Variants in LRP1B observed in about 807,000 individuals in gnomAD.
LRP1B encodes the protein LDL receptor related protein 1B.
In LRP1B, 217 loss-of-function variants were observed where a neutral mutation model predicts 556.6. The observed-to-expected ratio is 0.39, with a 90% CI of 0.35 to 0.44. The LOEUF is 0.44. LRP1B is among the 20% of genes least tolerant of loss of function. The probability of loss-of-function intolerance (pLI) is 1.00; values close to 1 mark genes in which losing one functional copy is unlikely to be tolerated. For missense variants in LRP1B, 5,053 were observed against 5,620.8 expected, an observed-to-expected ratio of 0.90 and a Z score of 3.23; for synonymous variants, 2,047 against 1,865.8, an observed-to-expected ratio of 1.10 and a Z score of -2.50.
intron 29 of LRP1B, among the ~76,000 whole-genome samples, chr2:140,847,054 C>G (rs1692294127): frequency 6.6e-6 from 1 of 152,140 alleles, no homozygotes. Context: ...TTGTTAAGTT[C>G]CTTTATGTTC....
At chr2:142,075,394 A>G (rs1194938469) in intron 1 of LRP1B, among the ~76,000 whole-genome samples, 1 of 152,228 alleles carries the variant, frequency 6.6e-6, no homozygotes, top group Admixed American at 6.6e-5. Flanking sequence ...CAAGAGTATT[A>G]CTTATAAATA....
At chr2:141,965,818 A>AT (rs1701547688) in intron 1 of LRP1B, among the ~76,000 whole-genome samples, 1 of 148,984 alleles carries the variant, frequency 6.7e-6, no homozygotes, top group East Asian at 2.0e-4. Context: ...AAAAAAGAAA[A>AT]TTGTTTTTTT....
At chr2:141,301,513 A>T (rs1277923182) in intron 3 of LRP1B, among the ~76,000 whole-genome samples, 3 of 152,202 alleles carry the variant, frequency 2.0e-5, no homozygotes, top group Non-Finnish European at 4.4e-5. Context: ...ATTCTATTCC[A>T]TAGTAAATAG....
At chr2:142,122,878 G>T (rs1707506657) in intron 1 of LRP1B, among the ~76,000 whole-genome samples, 1 of 151,974 alleles carries the variant, frequency 6.6e-6, no homozygotes. Context: ...ACCATTAAAA[G>T]CTTTGGAAAT....
chr2:141,554,882 C>T (rs1685904990), intron 2 of LRP1B, among the ~76,000 whole-genome samples: 1 of 151,956 alleles, frequency 6.6e-6, no homozygotes, highest in Non-Finnish European at 1.5e-5. Flanking sequence ...TCCCAAATTA[C>T]TGAATCAGAA....
intron 23 of LRP1B, among the ~76,000 whole-genome samples, chr2:140,887,018 T>G (rs892259529): frequency 6.6e-5 from 10 of 152,192 alleles, no homozygotes; most frequent in Non-Finnish European, 1.2e-4. Context: ...TATCTGAAAG[T>G]TACTAAAATT....
At chr2:140,253,113 T>C (rs1365968016) in intron 86 of LRP1B, among the ~76,000 whole-genome samples, 2 of 152,050 alleles carry the variant, frequency 1.3e-5, no homozygotes, top group Non-Finnish European at 2.9e-5. Flanking sequence ...CTTAAATTTA[T>C]GTCTGTTGTA....
At chr2:141,874,357 C>T (rs1408761177) in intron 1 of LRP1B, among the ~76,000 whole-genome samples, 18 of 150,252 alleles carry the variant, frequency 1.2e-4, no homozygotes, top group Non-Finnish European at 1.5e-5. Context: ...GCACATAGTG[C>T]TTTCAAAATA....
intron 7 of LRP1B, among the ~76,000 whole-genome samples, chr2:141,109,459 A>G (rs1700694678): frequency 6.6e-6 from 1 of 152,200 alleles, no homozygotes; most frequent in Admixed American, 6.5e-5. Context: ...TTGTTATACC[A>G]GGAGACAAAA....
At chr2:141,996,210 C>CAA (rs66563468) in intron 1 of LRP1B, among the ~76,000 whole-genome samples, 1 of 35,984 alleles carries the variant, frequency 2.8e-5, no homozygotes, top group African/African-American at 1.3e-4. Flanking sequence ...GAGCGAGACT[C>CAA]AAAAAAAAAA....
intron 66 of LRP1B, among the ~76,000 whole-genome samples, chr2:140,403,121 A>G (rs1473995215): frequency 1.3e-5 from 2 of 152,212 alleles, no homozygotes; most frequent in Non-Finnish European, 2.9e-5. Context: ...GAGAAAAGAA[A>G]GAAAAAAAAT....
intron 7 of LRP1B, among the ~76,000 whole-genome samples, chr2:141,125,618 G>C (rs1041160811): frequency 6.6e-6 from 1 of 151,984 alleles, no homozygotes; most frequent in Non-Finnish European, 1.5e-5. Flanking sequence ...CACTATCTTT[G>C]CTGATATGCT....
intron 41 of LRP1B, among the ~76,000 whole-genome samples, chr2:140,613,597 G>A (rs1247382274): frequency 2.6e-5 from 4 of 151,114 alleles, no homozygotes; most frequent in Non-Finnish European, 5.9e-5. Context: ...TTTCCTTGGA[G>A]CCTACTTCTC....
chr2:141,701,863 C>A (rs982711563), intron 2 of LRP1B, among the ~76,000 whole-genome samples: 1 of 151,798 alleles, frequency 6.6e-6, no homozygotes, highest in Admixed American at 6.6e-5. Flanking sequence ...ATTTAGTCCT[C>A]ATTGTTTATA....
chr2:141,730,256 T>TAAAA (rs1345391938), intron 2 of LRP1B, among the ~76,000 whole-genome samples: 1 of 152,078 alleles, frequency 6.6e-6, no homozygotes, highest in Non-Finnish European at 1.5e-5. Flanking sequence ...AACAGTCTTT[T>TAAAA]AATTGGCTGA....
At chr2:142,080,105 A>T (rs889495224) in intron 1 of LRP1B, among the ~76,000 whole-genome samples, 1 of 152,118 alleles carries the variant, frequency 6.6e-6, no homozygotes, top group Non-Finnish European at 1.5e-5. Flanking sequence ...GGTTAAAAAA[A>T]AAAACCCCAC....
At position 140,776,198 on chromosome 2, in the gene LRP1B, T is replaced by C. The variant is rs1261766554; in HGVS notation, c.5400A>G (p.Leu1800=). 8 of 1,602,668 alleles carry C rather than the reference T, an allele frequency of 5.0e-6. No homozygotes were observed. Among genetic ancestry groups the C allele is most frequent in the Non-Finnish European group, 6.8e-6 (8 of 1,175,024 alleles). ...LWWADQNLAQ[L]GTCSKRDGRN... ...TTCCGTCTCTTTTGCTGCAGGTTCC[T>C]AGCTGGGCTAAGTTTTGGTCTGCCC... Residue 1800 remains leucine (L), a synonymous_variant, in exon 33 of 91, where the codon CTA becomes CTG. Transcript: ENST00000389484.
chr2:141,722,377 TG>T (rs961801764), intron 2 of LRP1B, among the ~76,000 whole-genome samples: 18 of 151,938 alleles, frequency 1.2e-4, no homozygotes, highest in Admixed American at 2.6e-4. Flanking sequence ...GACTCCATCT[TG>T]GGGGGAAAAA....
intron 2 of LRP1B, among the ~76,000 whole-genome samples, chr2:141,702,257 C>T (rs1691966448): frequency 6.6e-6 from 1 of 151,714 alleles, no homozygotes; most frequent in Non-Finnish European, 1.5e-5. Flanking sequence ...AACTACAATG[C>T]TTATAGGCAG....
Sources: gnomAD v4.1 joint callset for allele counts (sites outside exome capture counted in the v4.1 genomes callset) on GRCh38, gnomAD v4.1.1 for gene constraint, MANE v1.5 for transcripts, NCBI Gene and HGNC (gene_info 2026-07-23, HGNC 2026-07-21) for gene names.